ZMAT1: variants seen among roughly 807,000 people sequenced by gnomAD.
The protein encoded by ZMAT1 is zinc finger matrin-type protein 1.
Under a neutral mutation model 18.5 loss-of-function variants are expected in ZMAT1, and 11 were observed. The observed-to-expected ratio is 0.59, with a 90% confidence interval of 0.37 to 0.98. The LOEUF (loss-of-function observed/expected upper bound fraction) is 0.98. ZMAT1 is among the 50% of genes least tolerant of loss of function. The probability of loss-of-function intolerance (pLI) is 0.01; values close to 1 mark genes in which losing one functional copy is unlikely to be tolerated. For missense variants in ZMAT1, 525 were observed against 496.2 expected (o/e 1.06, Z -0.55); for synonymous variants, 211 against 176.4 (o/e 1.20, Z -1.55).
intron 1 of ZMAT1, among the ~76,000 whole-genome samples, chrX:101,910,127 C>T (rs948072606): frequency 1.1e-4 from 12 of 112,463 alleles, no homozygotes; most frequent in African/African-American, 3.9e-4. Context: ...AAAAGAGTAT[C>T]TGCCTGGTCA....
At chrX:101,912,302 T>G (rs1480977650) in intron 1 of ZMAT1, among the ~76,000 whole-genome samples, 3 of 111,755 alleles carry the variant, frequency 2.7e-5, no homozygotes, top group African/African-American at 9.8e-5. Context: ...AATGTGGAAA[T>G]AATCAACACT....
chrX:101,922,173 G>T (rs1159189366), intron 1 of ZMAT1, among the ~76,000 whole-genome samples: 1 of 111,233 alleles, frequency 9.0e-6, no homozygotes, highest in Admixed American at 9.6e-5. Context: ...TAAAATGGGT[G>T]TTGTTTTCCA....
At chrX:101,905,262 A>T (rs1380772662) in intron 1 of ZMAT1, among the ~76,000 whole-genome samples, 4 of 112,487 alleles carry the variant, frequency 3.6e-5, no homozygotes, top group Non-Finnish European at 7.5e-5. Flanking sequence ...TCTCAAAGCT[A>T]TAATGTAATG....
chrX:101,907,520 C>A (rs1201615490), intron 1 of ZMAT1, among the ~76,000 whole-genome samples: 4 of 112,228 alleles, frequency 3.6e-5, no homozygotes, highest in Non-Finnish European at 5.6e-5. Flanking sequence ...TAATGTAAGG[C>A]AATGAGAAAC....
At chrX:101,894,208 T>C (rs748327715) in intron 4 of ZMAT1, among the ~76,000 whole-genome samples, 6 of 111,551 alleles carry the variant, frequency 5.4e-5, no homozygotes, top group South Asian at 7.6e-4. Flanking sequence ...TCTGATTCCG[T>C]AGGTCTGCAG....
chrX:101,900,818 G>GT (rs1239291547), intron 2 of ZMAT1, among the ~76,000 whole-genome samples: 3 of 111,504 alleles, frequency 2.7e-5, no homozygotes, highest in Non-Finnish European at 5.7e-5. Context: ...GTTTAGAATT[G>GT]TTTTTTATAA....
At chrX:101,895,227 G>A (rs1479735593) in intron 4 of ZMAT1, among the ~76,000 whole-genome samples, 1 of 111,462 alleles carries the variant, frequency 9.0e-6, no homozygotes, top group Non-Finnish European at 1.9e-5. Context: ...AGAGTGACTA[G>A]CCTAGCACCA....
Position 101,931,850 on chromosome X carries a change from G to A in ZMAT1, c.159C>T (p.Thr53=), listed in dbSNP as rs1211474635. 3.8e-6 allele frequency: 3 copies of A among 790,740 alleles called. No individual in the cohort carries two copies. The highest frequency in any genetic ancestry group is 2.9e-4 in the East Asian group (2 of 6,969). The allele number at this position is 790,740 out of a possible 1,213,427, so 65.2% of individuals were successfully genotyped here. The change falls in exon 1 of 6, where the codon ACC becomes ACT. Residue 53 remains threonine, a synonymous_variant. Transcript: ENST00000651725. ...AAVIVPASSA[T]SAPACPPAGG... ...CGGCAGGCGGGCAGGCAGGGGCGGA[G>A]GTGGCGGAGGAGGCAGGAACAATTA...
chrX:101,901,249 G>A (rs1050492060), intron 2 of ZMAT1, among the ~76,000 whole-genome samples: 2 of 110,684 alleles, frequency 1.8e-5, no homozygotes, highest in East Asian at 2.8e-4. Flanking sequence ...TCATATCATC[G>A]GCAAACAGTG....
At chrX:101,920,889 G>C (rs1186667544) in intron 1 of ZMAT1, among the ~76,000 whole-genome samples, 2 of 110,975 alleles carry the variant, frequency 1.8e-5, no homozygotes, top group Non-Finnish European at 3.8e-5. Flanking sequence ...TGCCCTACAG[G>C]ACAGGCTTAG....
At chrX:101,893,615 G>A (rs1304886172) in intron 4 of ZMAT1, among the ~76,000 whole-genome samples, 1 of 111,676 alleles carries the variant, frequency 9.0e-6, no homozygotes, top group African/African-American at 3.2e-5. Context: ...CTATTTCTGT[G>A]CGAGTTTCTA....
chrX:101,889,474 C>G (rs1927219432), intron 4 of ZMAT1: 1 of 111,607 alleles, frequency 9.0e-6, no homozygotes, highest in Non-Finnish European at 1.9e-5. Flanking sequence ...GAACTAAGGT[C>G]TTTGTTTTCA....
intron 4 of ZMAT1, chrX:101,895,894 G>C: frequency 4.2e-6 from 3 of 714,830 alleles, no homozygotes; most frequent in Non-Finnish European, 5.0e-6. Context: ...TGAAATAGTT[G>C]TAATAAGAAG....
At chrX:101,917,856 TA>T (rs1929440354) in intron 1 of ZMAT1, among the ~76,000 whole-genome samples, 1 of 112,588 alleles carries the variant, frequency 8.9e-6, no homozygotes, top group African/African-American at 3.2e-5. Flanking sequence ...TATTCAGCCA[TA>T]AAATGAATGA....
chrX:101,923,024 G>A (rs1569442157), intron 1 of ZMAT1, among the ~76,000 whole-genome samples: 1 of 111,552 alleles, frequency 9.0e-6, no homozygotes, highest in African/African-American at 3.3e-5. Flanking sequence ...CTCACTACCT[G>A]CCAGGAATAA....
intron 2 of ZMAT1, among the ~76,000 whole-genome samples, chrX:101,903,000 A>C (rs1356373527): frequency 8.9e-6 from 1 of 111,804 alleles, no homozygotes; most frequent in Non-Finnish European, 1.9e-5. Flanking sequence ...TACAAGTGAT[A>C]GAATTATAAT....
chrX:101,895,877 C>T (rs1025918048), intron 4 of ZMAT1: 18 of 746,481 alleles, frequency 2.4e-5, no homozygotes, highest in Middle Eastern at 7.5e-4. Context: ...GTAAGAGGCA[C>T]TCCTGCTGAA....
chrX:101,924,113 G>GT (rs949172252), intron 1 of ZMAT1, among the ~76,000 whole-genome samples: 36 of 110,006 alleles, frequency 3.3e-4, no homozygotes, highest in African/African-American at 6.6e-4. Flanking sequence ...AGAGGAGCAA[G>GT]TTTTTTTTTG....
intron 1 of ZMAT1, among the ~76,000 whole-genome samples, chrX:101,919,270 A>G (rs1015678535): frequency 8.9e-6 from 1 of 111,759 alleles, no homozygotes; most frequent in African/African-American, 3.3e-5. Flanking sequence ...AAGAAAGAAC[A>G]AACATTTAAT....
Sources: allele counts gnomAD v4.1 joint callset (sites outside exome capture counted in the v4.1 genomes callset), GRCh38; gene constraint gnomAD v4.1.1; transcripts MANE v1.5; gene names NCBI Gene and HGNC (gene_info 2026-07-23, HGNC 2026-07-21).